The following ZBTB8A variants were observed in gnomAD, a reference collection of about 807,000 sequenced individuals.
The protein encoded by ZBTB8A is zinc finger and BTB domain-containing protein 8A.
A neutral mutation model predicts 37.8 loss-of-function variants in ZBTB8A; 19 were observed. The observed-to-expected ratio is 0.50, with a 90% CI of 0.35 to 0.74. The LOEUF is 0.74. Ranked by LOEUF, ZBTB8A falls within the 30% of genes least tolerant of loss-of-function variation. The pLI is 0.01. For synonymous variants in ZBTB8A, 181 were observed against 185.2 expected (o/e 0.98, Z 0.19); for missense variants, 394 against 537.8 (o/e 0.73, Z 2.65).
At chr1:32,564,293 T>C (rs1249428768) in intron 2 of ZBTB8A, among the ~76,000 whole-genome samples, 5 of 152,236 alleles carry the variant, frequency 3.3e-5, no homozygotes, top group Non-Finnish European at 7.3e-5. Flanking sequence ...GTGCCAAGCT[T>C]CAGTGTTTCT....
intron 2 of ZBTB8A, among the ~76,000 whole-genome samples, chr1:32,575,295 C>T (rs1338238767): frequency 7.5e-6 from 1 of 134,016 alleles, no homozygotes; most frequent in Non-Finnish European, 1.5e-5. Flanking sequence ...GGCACAATGT[C>T]AGCTCACTGC....
chr1:32,545,702 A>G (rs887121450), intron 1 of ZBTB8A, among the ~76,000 whole-genome samples: 4 of 152,108 alleles, frequency 2.6e-5, no homozygotes, highest in Admixed American at 1.3e-4. Context: ...ACCATCCCCT[A>G]GGAGGCCATG....
chr1:32,562,153 A>T (rs1570329146), intron 2 of ZBTB8A, among the ~76,000 whole-genome samples: 1 of 144,550 alleles, frequency 6.9e-6, no homozygotes, highest in Non-Finnish European at 1.5e-5. Context: ...ACGGGGTCTC[A>T]CTATGTTGCT....
chr1:32,550,087 G>T (rs1471767240), intron 1 of ZBTB8A, among the ~76,000 whole-genome samples: 2 of 152,096 alleles, frequency 1.3e-5, no homozygotes, highest in Non-Finnish European at 2.9e-5. Flanking sequence ...GCCGGTCGTG[G>T]TGGCTCATGC....
At chr1:32,543,411 T>A (rs1480703151) in intron 1 of ZBTB8A, among the ~76,000 whole-genome samples, 1 of 152,024 alleles carries the variant, frequency 6.6e-6, no homozygotes, top group Non-Finnish European at 1.5e-5. Context: ...CGCCATAAAA[T>A]TTACCCATTT....
intron 1 of ZBTB8A, among the ~76,000 whole-genome samples, chr1:32,546,264 C>T (rs1375461164): frequency 2.6e-5 from 4 of 151,842 alleles, no homozygotes; most frequent in African/African-American, 7.3e-5. Flanking sequence ...GCCAACATGG[C>T]GAAACCCTGT....
intron 2 of ZBTB8A, among the ~76,000 whole-genome samples, chr1:32,582,000 T>G (rs1644410717): frequency 6.6e-6 from 1 of 152,122 alleles, no homozygotes; most frequent in African/African-American, 2.4e-5. Flanking sequence ...CAAGATGAGA[T>G]TTTGGGTGGG....
chr1:32,554,353 A>G (rs1644182784), intron 2 of ZBTB8A, among the ~76,000 whole-genome samples: 1 of 151,552 alleles, frequency 6.6e-6, no homozygotes, highest in Admixed American at 6.6e-5. Context: ...TTTTAATGAC[A>G]TCTTTATTTT....
chr1:32,540,775 C>T (rs1644046639), intron 1 of ZBTB8A, among the ~76,000 whole-genome samples: 1 of 152,222 alleles, frequency 6.6e-6, no homozygotes, highest in Non-Finnish European at 1.5e-5. Context: ...GCAAGAGCCC[C>T]TCACTGATAA....
intron 2 of ZBTB8A, among the ~76,000 whole-genome samples, chr1:32,574,651 G>A (rs967077349): frequency 1.3e-5 from 2 of 151,980 alleles, no homozygotes; most frequent in Non-Finnish European, 2.9e-5. Context: ...TATGGCTCAG[G>A]GTATGGTCTA....
At chr1:32,584,508 C>CTTTTTTTTTTTTTTTTT (rs1177778440) in intron 2 of ZBTB8A, among the ~76,000 whole-genome samples, 1 of 117,876 alleles carries the variant, frequency 8.5e-6, no homozygotes, top group Non-Finnish European at 1.8e-5. Context: ...TTCTTTCTTT[C>CTTTTTTTTTTTTTTTTT]TTTTTTTTTT....
intron 2 of ZBTB8A, 22 bp from the exon 3 acceptor site, chr1:32,592,909 A>G (rs1006828328): frequency 1.3e-6 from 2 of 1,559,956 alleles, no homozygotes; most frequent in Non-Finnish European, 1.7e-6. Context: ...TTTGGTAACC[A>G]CATGTGTCTT....
chr1:32,595,322 CA>C, intron 4 of ZBTB8A, 99 bp downstream of exon 4: 1 of 1,235,988 alleles, frequency 8.1e-7, no homozygotes, highest in East Asian at 2.4e-5. Context: ...GGCTGGAGTA[CA>C]ATGGTGTAAT....
chr1:32,594,597 C>A (rs145352882), intron 3 of ZBTB8A, among the ~76,000 whole-genome samples: 1 of 151,902 alleles, frequency 6.6e-6, no homozygotes, highest in Non-Finnish European at 1.5e-5. Flanking sequence ...CATGTCTCTA[C>A]GAAAAATACA....
chr1:32,605,160 A>G lies in ZBTB8A; in HGVS notation c.*4741A>G, dbSNP rs899139039. On this transcript the variant is annotated 3_prime_UTR_variant, in exon 5 of 5. Coordinates refer to ENST00000373510, the MANE Select transcript of ZBTB8A (RefSeq NM_001040441.3). Reference sequence around the variant, plus strand: ...GCGAGACTCCATCAAAAAAAAAAAAAAAAAAAAAAAAGATGTGTTTAACTG... The same window carrying G: ...GCGAGACTCCATCAAAAAAAAAAAAGAAAAAAAAAAAGATGTGTTTAACTG... 8.8e-5 allele frequency: 13 copies of G among 147,520 alleles called. No individual in the cohort carries two copies. Among genetic ancestry groups the G allele is most frequent in the African/African-American group, 2.9e-4 (12 of 40,872 alleles). 9.1% of individuals were successfully genotyped at this position (147,520 alleles called of 1,614,324 possible).
intron 1 of ZBTB8A, among the ~76,000 whole-genome samples, chr1:32,546,580 G>T (rs1423770735): frequency 2.6e-5 from 4 of 152,236 alleles, no homozygotes; most frequent in African/African-American, 9.6e-5. Context: ...GGCCAAGGCT[G>T]CAGTGAGCCA....
At chr1:32,568,417 C>T (rs950431617) in intron 2 of ZBTB8A, among the ~76,000 whole-genome samples, 3 of 151,008 alleles carry the variant, frequency 2.0e-5, no homozygotes, top group East Asian at 2.0e-4. Flanking sequence ...GATGGAGTCT[C>T]GCTCTGTCGC....
chr1:32,540,017 G>C (rs1275814745), intron 1 of ZBTB8A, among the ~76,000 whole-genome samples: 3 of 151,848 alleles, frequency 2.0e-5, no homozygotes, highest in Non-Finnish European at 4.4e-5. Flanking sequence ...GGCGCGGCCA[G>C]GGGCGCTGCC....
At chr1:32,560,473 C>CT (rs541336957) in intron 2 of ZBTB8A, among the ~76,000 whole-genome samples, 1 of 151,894 alleles carries the variant, frequency 6.6e-6, no homozygotes, top group African/African-American at 2.4e-5. Context: ...TTTTTTTCTG[C>CT]TTTTTTTCCT....
Sources: allele counts gnomAD v4.1 joint callset (sites outside exome capture counted in the v4.1 genomes callset), GRCh38; gene constraint gnomAD v4.1.1; transcripts MANE v1.5; gene names NCBI Gene and HGNC (gene_info 2026-07-23, HGNC 2026-07-21).